HCN1: variants seen among roughly 807,000 people sequenced by gnomAD.
HCN1 encodes the protein potassium/sodium hyperpolarization-activated cyclic nucleotide-gated channel 1.
HCN1 carries 13 observed loss-of-function variants against 78.9 expected under a neutral mutation model. The observed-to-expected ratio is 0.16, with a 90% CI of 0.11 to 0.26. HCN1 has a LOEUF of 0.26. Among genes scored for constraint, HCN1 ranks in the 10% least tolerant of loss-of-function variants. HCN1 has a pLI of 1.00. For synonymous variants in HCN1, 552 were observed against 455.5 expected (o/e 1.21, Z -2.70); for missense variants, 810 against 1,154.3 (o/e 0.70, Z 4.32).
At chr5:45,647,089 T>A (rs974146978) in intron 1 of HCN1, among the ~76,000 whole-genome samples, 3 of 152,156 alleles carry the variant, frequency 2.0e-5, no homozygotes, top group Admixed American at 2.0e-4. Flanking sequence ...TAATAGGCCC[T>A]ATCTCCCCTG....
intron 5 of HCN1, among the ~76,000 whole-genome samples, chr5:45,350,487 C>G (rs1746869405): frequency 2.0e-5 from 3 of 152,026 alleles, no homozygotes; most frequent in East Asian, 3.9e-4. Flanking sequence ...CCCTCTCTCA[C>G]CACTCCTATT....
At chr5:45,572,318 T>C (rs1043020410) in intron 2 of HCN1, among the ~76,000 whole-genome samples, 2 of 152,152 alleles carry the variant, frequency 1.3e-5, no homozygotes, top group African/African-American at 4.8e-5. Flanking sequence ...CACTTCTCAT[T>C]GTCCTTTCAT....
At chr5:45,299,266 C>T (rs970420197) in intron 6 of HCN1, among the ~76,000 whole-genome samples, 2 of 151,968 alleles carry the variant, frequency 1.3e-5, no homozygotes, top group Non-Finnish European at 2.9e-5. Flanking sequence ...TTTTGACCAA[C>T]ATACCATAGC....
intron 1 of HCN1, among the ~76,000 whole-genome samples, chr5:45,674,848 G>A (rs544483397): frequency 6.6e-6 from 1 of 151,816 alleles, no homozygotes; most frequent in South Asian, 2.1e-4. Context: ...GGCTAAGGTA[G>A]GAGGATTGCT....
At chr5:45,588,942 T>C (rs1427221726) in intron 2 of HCN1, among the ~76,000 whole-genome samples, 1 of 152,212 alleles carries the variant, frequency 6.6e-6, no homozygotes, top group African/African-American at 2.4e-5. Flanking sequence ...AGACAGTTTA[T>C]GTGCAGAAAG....
intron 3 of HCN1, among the ~76,000 whole-genome samples, chr5:45,433,914 T>C (rs772124817): frequency 1.5e-4 from 23 of 152,160 alleles, no homozygotes; most frequent in Non-Finnish European, 7.4e-5. Flanking sequence ...TATCACATGG[T>C]GTGGGAGGAT....
At chr5:45,676,228 A>C (rs1423514214) in intron 1 of HCN1, among the ~76,000 whole-genome samples, 1 of 151,796 alleles carries the variant, frequency 6.6e-6, no homozygotes, top group African/African-American at 2.4e-5. Context: ...TTCATCATGA[A>C]TATTGCCTAT....
At chr5:45,482,384 A>T (rs532997210) in intron 2 of HCN1, among the ~76,000 whole-genome samples, 16 of 152,172 alleles carry the variant, frequency 1.1e-4, no homozygotes, top group Non-Finnish European at 2.4e-4. Context: ...AGCTTCCAAC[A>T]CTATGTATGC....
At chr5:45,615,240 G>C (rs1398236191) in intron 2 of HCN1, among the ~76,000 whole-genome samples, 1 of 152,020 alleles carries the variant, frequency 6.6e-6, no homozygotes, top group Non-Finnish European at 1.5e-5. Context: ...ACTCTGACCT[G>C]ATAATTCTAG....
chr5:45,290,421 AGGGG>A (rs1745347424), intron 6 of HCN1, among the ~76,000 whole-genome samples: 1 of 152,072 alleles, frequency 6.6e-6, no homozygotes, highest in Non-Finnish European at 1.5e-5. Flanking sequence ...TATGAATTGT[AGGGG>A]ACATAAACAT....
At chr5:45,513,167 A>G (rs140226015) in intron 2 of HCN1, among the ~76,000 whole-genome samples, 210 of 152,268 alleles carry the variant, frequency 1.4e-3, no homozygotes, top group African/African-American at 4.8e-3. Context: ...ACATAAATAC[A>G]TCGAGAAAGT....
chr5:45,372,074 A>C lies in HCN1; in HGVS notation c.1231-18828T>G, dbSNP rs1170568363. The stretch of plus-strand genomic sequence containing the variant: ...ATATAATATAATTATATTATATATT[A>C]TATATAATATAATTATATATATATT... On this transcript the variant is annotated intron_variant, in intron 4 of 7. Transcript: ENST00000303230. 3.1e-5 allele frequency among the ~76,000 whole-genome samples: 2 copies of C among 65,156 alleles called. 1 individual carries two copies. Among genetic ancestry groups the C allele is most frequent in the East Asian group, 1.1e-3 (2 of 1,754 alleles). The allele number at this position is 65,156 out of a possible 152,430, so 42.7% of individuals were successfully genotyped here.
intron 1 of HCN1, 95 bp downstream of exon 1, chr5:45,695,574 C>T (rs1297153110): frequency 3.9e-6 from 5 of 1,288,102 alleles, no homozygotes; most frequent in Non-Finnish European, 5.5e-6. Context: ...CCCGCCCGCC[C>T]TCCTAGTCCC....
intron 6 of HCN1, among the ~76,000 whole-genome samples, chr5:45,301,714 C>T (rs1478070778): frequency 7.1e-6 from 1 of 140,234 alleles, no homozygotes; most frequent in African/African-American, 2.7e-5. Context: ...GAGAGATACC[C>T]TGTCATTTAA....
intron 5 of HCN1, among the ~76,000 whole-genome samples, chr5:45,343,724 C>G (rs900628931): frequency 6.6e-6 from 1 of 151,598 alleles, no homozygotes; most frequent in African/African-American, 2.4e-5. Context: ...AACTTTAAGG[C>G]AGGAACTTAG....
chr5:45,513,999 T>G (rs1440543315), intron 2 of HCN1, among the ~76,000 whole-genome samples: 3 of 152,176 alleles, frequency 2.0e-5, no homozygotes, highest in African/African-American at 4.8e-5. Flanking sequence ...CCTCTTGTTA[T>G]TTTCTTTGCT....
chr5:45,365,473 C>A (rs1747216041), intron 4 of HCN1, among the ~76,000 whole-genome samples: 1 of 151,926 alleles, frequency 6.6e-6, no homozygotes, highest in Admixed American at 6.6e-5. Context: ...TGAGGTATTT[C>A]ACTTAGAATA....
intron 2 of HCN1, among the ~76,000 whole-genome samples, chr5:45,556,275 C>A (rs1312231666): frequency 6.6e-6 from 1 of 151,760 alleles, no homozygotes; most frequent in Non-Finnish European, 1.5e-5. Flanking sequence ...AAAAGACAAC[C>A]CGCAAAATGG....
intron 5 of HCN1, among the ~76,000 whole-genome samples, chr5:45,322,505 T>C (rs1198050922): frequency 6.6e-6 from 1 of 151,904 alleles, no homozygotes; most frequent in African/African-American, 2.4e-5. Context: ...TTGATTTTTC[T>C]CATTTTAGAA....
Sources: gnomAD v4.1 joint callset for allele counts (sites outside exome capture counted in the v4.1 genomes callset) on GRCh38, gnomAD v4.1.1 for gene constraint, MANE v1.5 for transcripts, NCBI Gene and HGNC (gene_info 2026-07-23, HGNC 2026-07-21) for gene names.